TIE1: variants seen among roughly 807,000 people sequenced by gnomAD.
TIE1 encodes tyrosine kinase with immunoglobulin like and EGF like domains 1.
A neutral mutation model predicts 130.5 loss-of-function variants in TIE1; 89 were observed. The ratio of observed to expected loss-of-function variants is 0.68; its 90% CI spans 0.57 to 0.81. The LOEUF (loss-of-function observed/expected upper bound fraction) is 0.81. Among genes scored for constraint, TIE1 ranks in the 40% least tolerant of loss-of-function variants. TIE1 has a pLI of 0.00. For synonymous variants in TIE1, 568 were observed against 629.4 expected (o/e 0.90, Z 1.46); for missense variants, 1,392 against 1,559.8 (o/e 0.89, Z 1.81).
In TIE1 at chr1:43,319,426, C is replaced by T. The variant is rs1350299678; in HGVS notation, c.3037-33C>T. ...AGGAGCCTCAAACAGGCCCTTCCTC[C>T]ACACTCAGCCCCTCAAACCCATTCT... On this transcript the variant is annotated intron_variant, in intron 18 of 22. Transcript: ENST00000372476. This position sits in a 1 kb window ranked among gnomAD's most constrained non-coding sequence, Gnocchi z 4.7. 14 of 1,613,568 alleles carry T rather than the reference C, an allele frequency of 8.7e-6. No homozygotes were observed. Among genetic ancestry groups the T allele is most frequent in the Admixed American group, 1.7e-5 (1 of 59,990 alleles).
intron 1 of TIE1, among the ~76,000 whole-genome samples, chr1:43,301,915 A>T (rs781519421): frequency 3.9e-5 from 6 of 152,224 alleles, no homozygotes; most frequent in South Asian, 4.1e-4. Context: ...TTTCACCACA[A>T]CAAAAAATTT....
Position 43,322,765 on chromosome 1 carries a change from C to T in TIE1, c.*43C>T. 3 of 1,587,720 alleles carry T rather than the reference C, an allele frequency of 1.9e-6. No homozygotes were observed. The highest frequency in any genetic ancestry group is 1.7e-4 in the Middle Eastern group (1 of 6,024). On this transcript the variant is annotated 3_prime_UTR_variant, in exon 23 of 23. Transcript: ENST00000372476. The surrounding 1 kb of genome is among the most constrained non-coding windows in gnomAD (Gnocchi z 4.0). The stretch of plus-strand genomic sequence containing the variant: ...ACGTGGCTCTGCTGGCCGGAGCAAA[C>T]TCTGCTGTCTAACCTGTGACCAGTC...
rs369997693 is a variant in TIE1, at chr1:43,304,991, G to T, written c.199G>T (p.Asp67Tyr). Residue 67 changes from aspartate (D) to tyrosine (Y), a missense_variant, in exon 2 of 23, where the codon GAC becomes TAC. This residue lies in a region of TIE1 where 415 missense variants were observed against 424.8 expected (regional missense o/e 0.98). Transcript: ENST00000372476. Reference protein sequence around the residue: ...WGPPLLLEKDDRIVRTPPGPP... With the variant: ...WGPPLLLEKDYRIVRTPPGPP... ...CCCGCCCCTGCTGCTGGAGAAGGAC[G>T]ACCGTATCGTGCGCACCCCGCCCGG... 1.5e-5 allele frequency: 22 copies of T among 1,506,708 alleles called. No homozygotes were observed. In the African/African-American group the frequency reaches 2.8e-4, roughly 19 times the overall value. 93.3% of individuals were successfully genotyped at this position (1,506,708 alleles called of 1,614,324 possible).
rs751991908 is a variant in TIE1, at chr1:43,305,144, T to C, written c.352T>C (p.Tyr118His). ...GAGARRTRVI[Y>H]VHNSPGAHLL... ...TGGGGCGCGGCGCACGCGCGTCATC[T>C]ACGTGCACAACAGCCCTGGAGGTGA... The change falls in exon 2 of 23, where the codon TAC becomes CAC. Residue 118 changes from tyrosine to histidine, a missense_variant. By Grantham distance (83) the Tyr-to-His change is moderately conservative (BLOSUM62 2). Coordinates refer to ENST00000372476, the MANE Select transcript of TIE1 (RefSeq NM_005424.5). 3.0e-5 allele frequency: 48 copies of C among 1,613,846 alleles called. No homozygotes were observed. Among genetic ancestry groups the C allele is most frequent in the Non-Finnish European group, 3.5e-5 (41 of 1,179,932 alleles).
At position 43,312,548 on chromosome 1, in the gene TIE1, G is replaced by A. The variant is rs1373064178; in HGVS notation, c.1874G>A (p.Cys625Tyr). ...CAGCTGGATGTGCAGCTCTACCACT[G>A]CACCCTCCTGGGCCCGGCCTCGCCC... is the stretch of plus-strand genomic sequence containing the variant. ...HYQLDVQLYHCTLLGPASPPA... is the reference protein window; with the variant it reads ...HYQLDVQLYHYTLLGPASPPA... The change falls in exon 12 of 23, where the codon TGC becomes TAC. Residue 625 changes from cysteine to tyrosine, a missense_variant. Around this residue, in one of 6 missense-constraint regions of TIE1, gnomAD observed 551 missense variants for 565.5 expected, o/e 0.97. Coordinates refer to ENST00000372476, the MANE Select transcript of TIE1 (RefSeq NM_005424.5). This position sits in a 1 kb window ranked among gnomAD's most constrained non-coding sequence, Gnocchi z 5.6. The A allele has an allele frequency of 4.3e-6, 7 of 1,613,224 alleles. No individual in the cohort carries two copies. The highest frequency in any genetic ancestry group is 5.9e-6 in the Non-Finnish European group (7 of 1,179,834).
chr1:43,308,848 T>G (rs779846611), intron 7 of TIE1, 138 bp from the exon 8 acceptor site: 3 of 1,141,208 alleles, frequency 2.6e-6, no homozygotes, highest in African/African-American at 1.5e-5. Context: ...GGAGGAGTCA[T>G]GCGGGCCTTT....
rs200239321 is a variant in TIE1, at chr1:43,313,450, C to G, written c.2218+25C>G. ...GGTGAGAGGGCAGGGCCCACAGGACCCCCCGGGCTCTGAGCGGGGAGAGCT... is the reference window on the plus strand; with the variant it reads ...GGTGAGAGGGCAGGGCCCACAGGACGCCCCGGGCTCTGAGCGGGGAGAGCT... On this transcript the variant is annotated intron_variant, in intron 13 of 22. Transcript: ENST00000372476. This position sits in a 1 kb window ranked among gnomAD's most constrained non-coding sequence, Gnocchi z 6.2. 6.2e-7 allele frequency: 1 copy of G among 1,612,218 alleles called. No individual in the cohort carries two copies. Among genetic ancestry groups the G allele is most frequent in the African/African-American group, 1.3e-5 (1 of 74,850 alleles).
chr1:43,303,205 T>C (rs577009864), intron 1 of TIE1, among the ~76,000 whole-genome samples: 17 of 152,096 alleles, frequency 1.1e-4, no homozygotes, highest in Admixed American at 6.5e-4. Context: ...GCGGGTGCTG[T>C]CCAGTGAGTC....
At chr1:43,310,276 T>A (rs1199072975) in intron 9 of TIE1, among the ~76,000 whole-genome samples, 4 of 152,176 alleles carry the variant, frequency 2.6e-5, no homozygotes, top group African/African-American at 9.7e-5. Context: ...TCCGCCTTTC[T>A]CTTCTCACTG....
In TIE1 at chr1:43,312,604, A is replaced by G; in HGVS notation, c.1927+3A>G. ...ACACGTGCTTCTGCCCCCCAGTGGT[A>G]TGTGCAAGGCGCAAGGATAGCTGGG... On this transcript the variant is annotated splice_donor_region_variant and intron_variant, in intron 12 of 22. Coordinates refer to ENST00000372476, the MANE Select transcript of TIE1 (RefSeq NM_005424.5). This position sits in a 1 kb window ranked among gnomAD's most constrained non-coding sequence, Gnocchi z 5.6. 1 of 1,599,130 alleles carries G rather than the reference A, an allele frequency of 6.3e-7. No individual in the cohort carries two copies. The highest frequency in any genetic ancestry group is 8.5e-7 in the Non-Finnish European group (1 of 1,172,084).
At chr1:43,311,037 G>C (rs1314143458) in intron 9 of TIE1, among the ~76,000 whole-genome samples, 1 of 152,232 alleles carries the variant, frequency 6.6e-6, no homozygotes, top group Non-Finnish European at 1.5e-5. Flanking sequence ...ATGGGGTGAG[G>C]AAGTGGGGCA....
Position 43,319,291 on chromosome 1 carries a change from CAA to C in TIE1, c.2980_2981del (p.Lys994AspfsTer29). The C allele has an allele frequency of 6.2e-7, 1 of 1,614,016 alleles. No individual in the cohort carries two copies. ...NVLVGENLAS[K>X]IADFGLSRGE... Reference sequence around the variant, plus strand: ...TGCTGGTCGGAGAGAACCTAGCCTCCAAGATTGCAGACTTCGGCCTTTCTCGG... The same window carrying C: ...TGCTGGTCGGAGAGAACCTAGCCTCCGATTGCAGACTTCGGCCTTTCTCGG... On this transcript the variant is annotated frameshift_variant, in exon 18 of 23. Transcript: ENST00000372476. LOFTEE classifies it high-confidence loss of function. This position sits in a 1 kb window ranked among gnomAD's most constrained non-coding sequence, Gnocchi z 4.7.
Position 43,318,602 on chromosome 1 carries a change from C to A in TIE1, c.2922+530C>A, listed in dbSNP as rs1213934806. Among the ~76,000 whole-genome samples the A allele has an allele frequency of 1.3e-5, 2 of 151,870 alleles. No homozygotes were observed. The highest frequency in any genetic ancestry group is 3.9e-4 in the East Asian group (2 of 5,164). On this transcript the variant is annotated intron_variant, in intron 17 of 22. Coordinates refer to ENST00000372476, the MANE Select transcript of TIE1 (RefSeq NM_005424.5). This position sits in a 1 kb window ranked among gnomAD's most constrained non-coding sequence, Gnocchi z 4.4. ...CACTACAACCTCTGCCTCCTGGGTT[C>A]AAGCAATTCTCCTGCCTCAGCCTCC...
Position 43,317,333 on chromosome 1 carries a change from G to C in TIE1, c.2544G>C (p.Gly848=). The C allele has an allele frequency of 6.2e-7, 1 of 1,614,100 alleles. No individual in the cohort carries two copies. The highest frequency in any genetic ancestry group is 1.3e-5 in the African/African-American group (1 of 75,020). The change falls in exon 15 of 23, where the codon GGG becomes GGC. Residue 848 remains glycine, a synonymous_variant. Transcript: ENST00000372476. This position sits in a 1 kb window ranked among gnomAD's most constrained non-coding sequence, Gnocchi z 5.1. Reference sequence around the variant, plus strand: ...CCTTTGAGGACCTCATCGGGGAGGGGAACTTCGGCCAGGTCATCCGGGCCA... The same window carrying C: ...CCTTTGAGGACCTCATCGGGGAGGGCAACTTCGGCCAGGTCATCCGGGCCA... ...DITFEDLIGE[G]NFGQVIRAMI...
rs952800630 is a variant in TIE1 at position 43,318,724 on chromosome 1, G to A, written c.2923-511G>A. Among the ~76,000 whole-genome samples the A allele has an allele frequency of 3.9e-5, 6 of 151,980 alleles. No homozygotes were observed. The highest frequency in any genetic ancestry group is 9.7e-5 in the African/African-American group (4 of 41,352). ...TCACCATGCTGGCCAGGCTGGTCTC[G>A]AACTCCTGTCCTCGAGTGATCCACC... On this transcript the variant is annotated intron_variant, in intron 17 of 22. Transcript: ENST00000372476. The surrounding 1 kb of genome is among the most constrained non-coding windows in gnomAD (Gnocchi z 4.4).
At chr1:43,311,630 A>G (rs760283889) in intron 9 of TIE1, 41 bp from the exon 10 acceptor site, 4 of 1,590,694 alleles carry the variant, frequency 2.5e-6, no homozygotes, top group African/African-American at 1.3e-5. Flanking sequence ...AGTGGACTGG[A>G]TAGGCTGTGT....
In TIE1 at chr1:43,307,142, G is replaced by A. The variant is rs1191044220; in HGVS notation, c.641G>A (p.Gly214Asp). 1 of 1,614,070 alleles carries A rather than the reference G, an allele frequency of 6.2e-7. No individual in the cohort carries two copies. The highest frequency in any genetic ancestry group is 8.5e-7 in the Non-Finnish European group (1 of 1,180,002). ...AGCTGCTGAAGACACCTTCCTCCAG[G>A]TTGTGGGGCTGGGCGCTGGGGGCCA... ...GSAFFRLIVRGCGAGRWGPGC... is the reference protein window; with the variant it reads ...GSAFFRLIVRDCGAGRWGPGC... Residue 214 changes from glycine to aspartate, a missense_variant and splice_region_variant, in exon 5 of 23, where the codon GGT becomes GAT. This residue lies in a region of TIE1 where 415 missense variants were observed against 424.8 expected (regional missense o/e 0.98). Coordinates refer to ENST00000372476, the MANE Select transcript of TIE1 (RefSeq NM_005424.5). This position sits in a 1 kb window ranked among gnomAD's most constrained non-coding sequence, Gnocchi z 5.4.
In TIE1 at chr1:43,323,003, C is replaced by T. The variant is rs1646934618; in HGVS notation, c.*281C>T. On this transcript the variant is annotated 3_prime_UTR_variant, in exon 23 of 23. Coordinates refer to ENST00000372476, the MANE Select transcript of TIE1 (RefSeq NM_005424.5). ...GCTCCCCCAACACAAACCCCCACTC[C>T]AGCTCCTTCGCTTAAGCCAGCACTC... The T allele has an allele frequency of 2.2e-6, 1 of 454,246 alleles. No homozygotes were observed. Among genetic ancestry groups the T allele is most frequent in the African/African-American group, 2.0e-5 (1 of 50,950 alleles). 28.1% of individuals were successfully genotyped at this position (454,246 alleles called of 1,614,324 possible).
Position 43,315,629 on chromosome 1 carries a change from G to C in TIE1, c.2410-1570G>C, listed in dbSNP as rs911921667. Reference sequence around the variant, plus strand: ...ATATCACGCCACTGCACTCCAGCCTGGATGACAGAGTGAGTGAGACTCCAT... The same window carrying C: ...ATATCACGCCACTGCACTCCAGCCTCGATGACAGAGTGAGTGAGACTCCAT... On this transcript the variant is annotated intron_variant, in intron 14 of 22. Coordinates refer to ENST00000372476, the MANE Select transcript of TIE1 (RefSeq NM_005424.5). This position sits in a 1 kb window ranked among gnomAD's most constrained non-coding sequence, Gnocchi z 4.4. Among the ~76,000 whole-genome samples the C allele has an allele frequency of 6.6e-6, 1 of 152,098 alleles. No homozygotes were observed. The highest frequency in any genetic ancestry group is 6.5e-5 in the Admixed American group (1 of 15,274).
Sources: allele counts gnomAD v4.1 joint callset (sites outside exome capture counted in the v4.1 genomes callset), GRCh38; gene constraint gnomAD v4.1.1; regional missense constraint gnomAD v4.1.1; non-coding constraint Gnocchi (gnomAD v3.1); transcripts MANE v1.5; gene names NCBI Gene and HGNC (gene_info 2026-07-23, HGNC 2026-07-21).